FRY: variants seen among roughly 807,000 people sequenced by gnomAD.
FRY encodes the protein FRY microtubule binding protein.
FRY carries 128 observed loss-of-function variants against 348.4 expected under a neutral mutation model. The observed-to-expected ratio is 0.37, with a 90% CI of 0.32 to 0.43. The LOEUF is 0.43. Among genes scored for constraint, FRY ranks in the 20% least tolerant of loss-of-function variants. The pLI is 1.00. For synonymous variants in FRY, 1,370 were observed against 1,374.7 expected, an observed-to-expected ratio of 1.00 and a Z score of 0.08; for missense variants, 2,736 against 3,695.2, an observed-to-expected ratio of 0.74 and a Z score of 6.73.
intron 35 of FRY, among the ~76,000 whole-genome samples, chr13:32,214,563 A>G (rs552699904): frequency 2.0e-5 from 3 of 152,256 alleles, no homozygotes; most frequent in Non-Finnish European, 2.9e-5. Context: ...ACATATTTCT[A>G]TCCTCAGTGA....
At chr13:32,058,574 C>A (rs1465061621) in intron 1 of FRY, among the ~76,000 whole-genome samples, 1 of 152,206 alleles carries the variant, frequency 6.6e-6, no homozygotes, top group Non-Finnish European at 1.5e-5. Flanking sequence ...CTGTCACTTA[C>A]ACTGTCAGTA....
chr13:32,231,933 A>G (rs899488145), intron 41 of FRY, among the ~76,000 whole-genome samples: 1 of 152,212 alleles, frequency 6.6e-6, no homozygotes, highest in Non-Finnish European at 1.5e-5. Context: ...GCAATATTAA[A>G]TCCAGCTCCC....
chr13:32,193,310 T>A (rs1229278700), intron 28 of FRY, among the ~76,000 whole-genome samples: 1 of 151,866 alleles, frequency 6.6e-6, no homozygotes, highest in Non-Finnish European at 1.5e-5. Context: ...TAATCATATT[T>A]CCTCTGATTT....
intron 2 of FRY, among the ~76,000 whole-genome samples, chr13:32,090,932 A>T (rs1388073988): frequency 3.9e-5 from 6 of 152,152 alleles, no homozygotes; most frequent in Non-Finnish European, 7.4e-5. Flanking sequence ...TTGCTTAAAA[A>T]AAAAGTGCCA....
chr13:32,245,993 A>G (rs1055859938), intron 47 of FRY, among the ~76,000 whole-genome samples: 3 of 152,212 alleles, frequency 2.0e-5, no homozygotes, highest in African/African-American at 4.8e-5. Flanking sequence ...AGCATTTTTC[A>G]AGTGGCGTTG....
Position 32,291,937 on chromosome 13 carries a change from G to T in FRY, c.8580+2194G>T, listed in dbSNP as rs188187760. The T allele has an allele frequency of 2.0e-5, 9 of 448,252 alleles. No homozygotes were observed. In the East Asian group the frequency reaches 6.4e-4, roughly 32 times the overall value. 27.8% of individuals were successfully genotyped at this position (448,252 alleles called of 1,614,324 possible). A position where few individuals can be genotyped will look rare whatever the true frequency, so the allele number is the denominator to read the frequency against. On this transcript the variant is annotated intron_variant, in intron 59 of 60. Coordinates refer to ENST00000542859, the MANE Select transcript of FRY (RefSeq NM_023037.3). ...TTATGATAAAACCTGAATGGATGAG[G>T]AGTTGCTTCTTATGCATGAACAAAT... is the stretch of plus-strand genomic sequence containing the variant.
intron 56 of FRY, 100 bp downstream of exon 56, chr13:32,275,091 C>A: frequency 8.9e-7 from 1 of 1,129,256 alleles, no homozygotes; most frequent in Non-Finnish European, 1.3e-6. Flanking sequence ...TTTAAAGATA[C>A]CTTCTGGCCG....
At chr13:32,086,081 G>C in intron 2 of FRY, 6 of 461,408 alleles carry the variant, frequency 1.3e-5, no homozygotes, top group Non-Finnish European at 2.6e-5. Context: ...GTTTTCAAAG[G>C]CTTTCAAAGA....
intron 48 of FRY, 125 bp from the exon 49 acceptor site, chr13:32,249,401 A>T: frequency 1.0e-6 from 1 of 996,868 alleles, no homozygotes; most frequent in Non-Finnish European, 1.5e-6. Flanking sequence ...GCCCACTTGT[A>T]ACACTGAACT....
At chr13:32,294,294 T>C in intron 59 of FRY, 74 bp from the exon 60 acceptor site, 1 of 986,574 alleles carries the variant, frequency 1.0e-6, no homozygotes. Context: ...CATAAGATCC[T>C]TTTTTTTTCC....
At chr13:32,089,590 C>T (rs932394604) in intron 2 of FRY, among the ~76,000 whole-genome samples, 1 of 151,864 alleles carries the variant, frequency 6.6e-6, no homozygotes, top group Admixed American at 6.6e-5. Context: ...TGGTGAGACC[C>T]CCCATCTCTA....
chr13:32,199,852 T>A (rs1301137914), intron 29 of FRY, among the ~76,000 whole-genome samples: 1 of 152,238 alleles, frequency 6.6e-6, no homozygotes, highest in Non-Finnish European at 1.5e-5. Flanking sequence ...GAAAGGTGAT[T>A]GTCTCATTCT....
chr13:32,090,350 CAAAAAAAAAA>C (rs34392238), intron 2 of FRY, among the ~76,000 whole-genome samples: 1 of 58,808 alleles, frequency 1.7e-5, no homozygotes, highest in Non-Finnish European at 3.1e-5. Context: ...GACTCCATCT[CAAAAAAAAAA>C]AAAAAAAAAA....
chr13:32,166,712 T>C (rs1161652838), intron 17 of FRY, among the ~76,000 whole-genome samples: 1 of 152,190 alleles, frequency 6.6e-6, no homozygotes, highest in Non-Finnish European at 1.5e-5. Context: ...GGAGGGAGCT[T>C]TGTCCTCTTC....
At chr13:32,144,350 AT>A (rs1880272819) in intron 11 of FRY, among the ~76,000 whole-genome samples, 1 of 150,566 alleles carries the variant, frequency 6.6e-6, no homozygotes, top group Non-Finnish European at 1.5e-5. Flanking sequence ...ACCGCTAAAA[AT>A]TAAAAAAAGA....
chr13:32,104,549 A>G (rs1877411371), intron 3 of FRY, among the ~76,000 whole-genome samples: 1 of 152,256 alleles, frequency 6.6e-6, no homozygotes. Flanking sequence ...TAGGTCACAT[A>G]GGATTGTCCT....
intron 47 of FRY, 39 bp from the exon 48 acceptor site, chr13:32,247,280 AAATT>A: frequency 6.5e-7 from 1 of 1,541,312 alleles, no homozygotes; most frequent in Non-Finnish European, 9.0e-7. Flanking sequence ...AGCTTTAAAA[AAATT>A]AAATTATTTT....
intron 15 of FRY, among the ~76,000 whole-genome samples, chr13:32,156,289 T>C (rs1480651535): frequency 6.6e-6 from 1 of 152,164 alleles, no homozygotes; most frequent in Non-Finnish European, 1.5e-5. Context: ...TTCTCTTTAG[T>C]TATGCAATGT....
At position 32,281,981 on chromosome 13, in the gene FRY, G is replaced by T. The variant is rs140423205; in HGVS notation, c.8469+3433G>T. Among the ~76,000 whole-genome samples the T allele has an allele frequency of 1.8e-4, 28 of 152,216 alleles. 1 individual carries two copies. Among genetic ancestry groups the T allele is most frequent in the Middle Eastern group, 6.8e-3 (2 of 294 alleles). Reference sequence around the variant, plus strand: ...CAGAGTACACAAATCAGGCAGCCTCGGTTCCCATCATAGGTTAACACTCGA... The same window carrying T: ...CAGAGTACACAAATCAGGCAGCCTCTGTTCCCATCATAGGTTAACACTCGA... On this transcript the variant is annotated intron_variant, in intron 58 of 60. Coordinates refer to ENST00000542859, the MANE Select transcript of FRY (RefSeq NM_023037.3).
Sources: allele counts gnomAD v4.1 joint callset (sites outside exome capture counted in the v4.1 genomes callset), GRCh38; gene constraint gnomAD v4.1.1; transcripts MANE v1.5; gene names NCBI Gene and HGNC (gene_info 2026-07-23, HGNC 2026-07-21).